Variants in SMPD3 observed in about 807,000 individuals in gnomAD.
The protein encoded by SMPD3 is nSMase-2.
In SMPD3, 21 loss-of-function variants were observed where a neutral mutation model predicts 55.7. That is an observed-to-expected ratio of 0.38 (90% CI 0.27 to 0.54). The LOEUF (loss-of-function observed/expected upper bound fraction) is 0.54, where lower values mean the gene tolerates loss of function less well. Among genes scored for constraint, SMPD3 ranks in the 20% least tolerant of loss-of-function variants. The pLI is 0.80. For synonymous variants in SMPD3, 457 were observed against 404.3 expected (o/e 1.13, Z -1.56); for missense variants, 842 against 899.6 (o/e 0.94, Z 0.82).
At chr16:68,436,247 A>G (rs2090522146) in intron 1 of SMPD3, among the ~76,000 whole-genome samples, 1 of 152,192 alleles carries the variant, frequency 6.6e-6, no homozygotes, top group Admixed American at 6.5e-5. Context: ...TACAGCATCT[A>G]AAAGTATTCC....
chr16:68,400,209 G>T (rs1333472729), intron 1 of SMPD3, among the ~76,000 whole-genome samples: 2 of 152,184 alleles, frequency 1.3e-5, no homozygotes, highest in Non-Finnish European at 2.9e-5. Flanking sequence ...CCTCAAATAC[G>T]TGTCGGGGGT....
rs1176949064 is a variant in SMPD3 at position 68,423,005 on chromosome 16, T to A, written c.-269+25348A>T. ...CCTTTCCACAGTTCTCAGCGGGGGC[T>A]TCACAGTCATTTTCAAAGTTATTAG... On this transcript the variant is annotated intron_variant, in intron 1 of 8. Coordinates refer to ENST00000219334, the MANE Select transcript of SMPD3 (RefSeq NM_018667.4). Among the ~76,000 whole-genome samples, 3 of 152,170 alleles carry A rather than the reference T, an allele frequency of 2.0e-5. No homozygotes were observed. The East Asian group carries it at 5.8e-4, about 29-fold the overall frequency.
Position 68,423,989 on chromosome 16 carries a change from A to G in SMPD3, c.-269+24364T>C, listed in dbSNP as rs962184953. Among the ~76,000 whole-genome samples, 27 of 151,966 alleles carry G rather than the reference A, an allele frequency of 1.8e-4. 1 individual carries two copies. In the South Asian group the frequency reaches 2.5e-3, roughly 14 times the overall value. On this transcript the variant is annotated intron_variant, in intron 1 of 8. Transcript: ENST00000219334. ...TCCACAGTGAGGGTGGACATGGCCCAAGGTGACCAAGGGCTCGGCCTGGGG... is the reference window on the plus strand; with the variant it reads ...TCCACAGTGAGGGTGGACATGGCCCGAGGTGACCAAGGGCTCGGCCTGGGG...
chr16:68,384,867 C>G (rs1440515532), intron 2 of SMPD3, among the ~76,000 whole-genome samples: 2 of 152,154 alleles, frequency 1.3e-5, no homozygotes, highest in Admixed American at 6.5e-5. Context: ...CCCCTGCTGA[C>G]CTGGAGCTGC....
At chr16:68,425,533 C>T (rs1862755) in intron 1 of SMPD3, among the ~76,000 whole-genome samples, 106,396 of 134,986 alleles carry the variant, frequency 0.79, 40,464 homozygotes, top group East Asian at 0.88. Flanking sequence ...GCCATGAGGA[C>T]AATGGGTGGG....
chr16:68,371,974 G>A lies in SMPD3; in HGVS notation c.208C>T (p.Leu70Phe), dbSNP rs778401731. Residue 70 changes from leucine to phenylalanine, a missense_variant, in exon 3 of 9, where the codon CTC becomes TTC. Around this residue, in one of 2 missense-constraint regions of SMPD3, gnomAD observed 193 missense variants for 256.0 expected, o/e 0.75. Coordinates refer to ENST00000219334, the MANE Select transcript of SMPD3 (RefSeq NM_018667.4). ...GCAAAGGGCAGCGAGGCCACCAGGAGGGCCAGGTAGATGGGCGTGAAGAGG... is the reference window on the plus strand; with the variant it reads ...GCAAAGGGCAGCGAGGCCACCAGGAAGGCCAGGTAGATGGGCGTGAAGAGG... ...TALFTPIYLA[L>F]LVASLPFAFL... 4 of 1,612,446 alleles carry A rather than the reference G, an allele frequency of 2.5e-6. No individual in the cohort carries two copies. In the South Asian group the frequency reaches 4.4e-5, roughly 18 times the overall value.
intron 2 of SMPD3, among the ~76,000 whole-genome samples, chr16:68,380,896 T>C (rs928569908): frequency 6.6e-6 from 1 of 152,250 alleles, no homozygotes; most frequent in Non-Finnish European, 1.5e-5. Context: ...ATTGGCCGAC[T>C]ACACGATGTG....
intron 3 of SMPD3, chr16:68,367,557 C>T (rs1276587698): frequency 6.6e-6 from 1 of 152,306 alleles, no homozygotes; most frequent in African/African-American, 2.4e-5. Context: ...CACTTGGTGT[C>T]ACCTGCCCCG....
chr16:68,371,370 G>A lies in SMPD3; in HGVS notation c.812C>T (p.Ala271Val), dbSNP rs1309808973. Residue 271 changes from alanine to valine, a missense_variant, in exon 3 of 9, where the codon GCT becomes GTT. Ala to Val is a moderately conservative substitution (Grantham distance 64, BLOSUM62 0). Transcript: ENST00000219334. ...PVPGGQARNG[A>V]GGGPRGQTPN... ...CGTCTGGCCCCTTGGGCCCCCGCCA[G>A]CTCCGTTCCTGGCCTGGCCCCCAGG... The A allele has an allele frequency of 1.3e-6, 2 of 1,573,620 alleles. No homozygotes were observed. The highest frequency in any genetic ancestry group is 2.2e-5 in the East Asian group (1 of 44,780).
In SMPD3 at chr16:68,364,810, T is replaced by G. The variant is rs749265411; in HGVS notation, c.1496A>C (p.Glu499Ala). Reference sequence around the variant, plus strand: ...GACGACGTCAAATGCCACCAGCTCCTCGGGGTTGGCTGCGCTGGACGAGGA... The same window carrying G: ...GACGACGTCAAATGCCACCAGCTCCGCGGGGTTGGCTGCGCTGGACGAGGA... ...STSSSSAANP[E>A]ELVAFDVVCG... Residue 499 changes from glutamate to alanine, a missense_variant, in exon 5 of 9, where the codon GAG (glutamate) becomes GCG (alanine). Glu to Ala is a moderately radical substitution (Grantham distance 107). Coordinates refer to ENST00000219334, the MANE Select transcript of SMPD3 (RefSeq NM_018667.4). The G allele has an allele frequency of 1.2e-6, 2 of 1,613,876 alleles. No homozygotes were observed. The highest frequency in any genetic ancestry group is 2.2e-5 in the South Asian group (2 of 91,086).
intron 1 of SMPD3, among the ~76,000 whole-genome samples, chr16:68,437,379 G>A (rs1401965454): frequency 6.6e-6 from 1 of 152,248 alleles, no homozygotes; most frequent in Admixed American, 6.5e-5. Context: ...AGTTCAGCAT[G>A]TGCTGACACA....
Position 68,361,217 on chromosome 16 carries a change from C to T in SMPD3, c.1957G>A (p.Glu653Lys), listed in dbSNP as rs1241871372. Residue 653 changes from glutamate to lysine, a missense_variant, in exon 9 of 9, where the codon GAG (glutamate) becomes AAG (lysine). Coordinates refer to ENST00000219334, the MANE Select transcript of SMPD3 (RefSeq NM_018667.4). The stretch of plus-strand genomic sequence containing the variant: ...CTGCTCCGGACGGTCTATGCCTCCT[C>T]CTCCCCCGAAGACACCATCAGTCGC... ...AMRLMVSSGE[E>K]EA The T allele has an allele frequency of 1.9e-6, 3 of 1,613,556 alleles. No individual in the cohort carries two copies. Among genetic ancestry groups the T allele is most frequent in the African/African-American group, 1.3e-5 (1 of 74,910 alleles).
chr16:68,405,139 T>A (rs1397466037), intron 1 of SMPD3, among the ~76,000 whole-genome samples: 5 of 152,124 alleles, frequency 3.3e-5, no homozygotes, highest in Non-Finnish European at 7.4e-5. Context: ...AAGGCAGGTG[T>A]TTTGATGAGG....
chr16:68,414,002 G>A (rs977548878), intron 1 of SMPD3, among the ~76,000 whole-genome samples: 4 of 152,236 alleles, frequency 2.6e-5, no homozygotes, highest in East Asian at 1.9e-4. Context: ...AGGTTGGCCC[G>A]CTGGCTATAC....
At chr16:68,446,888 C>T (rs2090614192) in intron 1 of SMPD3, among the ~76,000 whole-genome samples, 1 of 152,226 alleles carries the variant, frequency 6.6e-6, no homozygotes, top group African/African-American at 2.4e-5. Flanking sequence ...ATCCTGGGTG[C>T]CTGGCTGGCC....
chr16:68,379,538 T>C (rs1044901349), intron 2 of SMPD3, among the ~76,000 whole-genome samples: 7 of 152,192 alleles, frequency 4.6e-5, no homozygotes, highest in Non-Finnish European at 8.8e-5. Context: ...TCTCCTCCTC[T>C]TGAGGCTGGT....
At chr16:68,399,126 C>A (rs1227745340) in intron 1 of SMPD3, among the ~76,000 whole-genome samples, 5 of 152,256 alleles carry the variant, frequency 3.3e-5, no homozygotes, top group African/African-American at 1.2e-4. Flanking sequence ...CTGCCTACAC[C>A]TCTGGGTTCT....
chr16:68,358,451 A>C lies in SMPD3; in HGVS notation c.*2755T>G, dbSNP rs2088967299. The C allele has an allele frequency of 6.5e-6, 1 of 152,708 alleles. No individual in the cohort carries two copies. The highest frequency in any genetic ancestry group is 2.1e-4 in the South Asian group (1 of 4,836). 9.5% of individuals were successfully genotyped at this position (152,708 alleles called of 1,614,324 possible). A position where few individuals can be genotyped will look rare whatever the true frequency, so the allele number is the denominator to read the frequency against. On this transcript the variant is annotated 3_prime_UTR_variant, in exon 9 of 9. Transcript: ENST00000219334. ...TAAAGACTTGTTTTTCTTCTAGGGAAGAACCGTCTGGATATATATTTGATA... is the reference window on the plus strand; with the variant it reads ...TAAAGACTTGTTTTTCTTCTAGGGACGAACCGTCTGGATATATATTTGATA...
intron 2 of SMPD3, among the ~76,000 whole-genome samples, chr16:68,381,700 G>C (rs948265793): frequency 3.3e-5 from 5 of 152,180 alleles, no homozygotes; most frequent in Admixed American, 3.3e-4. Context: ...CCTCAGTCCA[G>C]GGTGAAGAGA....
Sources: allele counts gnomAD v4.1 joint callset (sites outside exome capture counted in the v4.1 genomes callset), GRCh38; gene constraint gnomAD v4.1.1; regional missense constraint gnomAD v4.1.1; transcripts MANE v1.5; gene names NCBI Gene and HGNC (gene_info 2026-07-23, HGNC 2026-07-21).